PCDHA2: variants seen among roughly 807,000 people sequenced by gnomAD.
PCDHA2 encodes protocadherin alpha 2.
Under a neutral mutation model 66.0 loss-of-function variants are expected in PCDHA2, and 58 were observed. The ratio of observed to expected loss-of-function variants is 0.88; its 90% CI spans 0.71 to 1.09. PCDHA2 has a LOEUF of 1.09. Among genes scored for constraint, PCDHA2 ranks in the 50% least tolerant of loss-of-function variants. The pLI is 0.00. For synonymous variants in PCDHA2, 634 were observed against 554.0 expected (o/e 1.14, Z -2.03); for missense variants, 1,267 against 1,242.3 (o/e 1.02, Z -0.30).
At chr5:140,850,634 C>T (rs2150491694) in intron 1 of PCDHA2, 2 of 1,598,662 alleles carry the variant, frequency 1.3e-6, no homozygotes, top group South Asian at 1.1e-5. Flanking sequence ...TGTTGGTTCT[C>T]ACGCTGCTGC....
intron 1 of PCDHA2, chr5:140,829,375 G>A (rs1770260995): frequency 2.5e-6 from 4 of 1,614,026 alleles, no homozygotes; most frequent in East Asian, 2.2e-5. Flanking sequence ...TAACCGCGCG[G>A]GACGGGGGCT....
chr5:140,926,665 G>C, intron 1 of PCDHA2: 1 of 538,906 alleles, frequency 1.9e-6, no homozygotes, highest in Non-Finnish European at 2.9e-6. Context: ...TTTCCCAGAC[G>C]GCTGCCCAGC....
At chr5:140,945,200 A>G (rs2093757745) in intron 1 of PCDHA2, among the ~76,000 whole-genome samples, 1 of 152,168 alleles carries the variant, frequency 6.6e-6, no homozygotes, top group South Asian at 2.1e-4. Context: ...GCTATTTACA[A>G]TAGCTATGAG....
chr5:140,993,462 TCACACA>T (rs3836747), intron 3 of PCDHA2, among the ~76,000 whole-genome samples: 28,176 of 140,902 alleles, frequency 0.2, 2,920 homozygotes, highest in East Asian at 0.31. Flanking sequence ...TCTTTCTTTC[TCACACA>T]CACACACACA....
intron 1 of PCDHA2, chr5:140,927,923 C>G: frequency 1.2e-6 from 2 of 1,614,232 alleles, no homozygotes; most frequent in Non-Finnish European, 1.7e-6. Context: ...GACTTCCTGA[C>G]TCTTTCGAAC....
At chr5:140,952,058 T>C (rs889374877) in intron 1 of PCDHA2, among the ~76,000 whole-genome samples, 1 of 152,096 alleles carries the variant, frequency 6.6e-6, no homozygotes, top group African/African-American at 2.4e-5. Flanking sequence ...ATCTTAAAGC[T>C]CCAAATAATC....
At chr5:140,929,530 G>A in intron 1 of PCDHA2, 1 of 636,248 alleles carries the variant, frequency 1.6e-6, no homozygotes, top group Non-Finnish European at 2.3e-6. Flanking sequence ...GTTTATTTTT[G>A]AGAAACAAGG....
At chr5:140,870,771 C>G (rs370490786) in intron 1 of PCDHA2, 13 of 1,613,466 alleles carry the variant, frequency 8.1e-6, no homozygotes, top group Non-Finnish European at 1.1e-5. Context: ...TCGTGCTGGA[C>G]GAGAACGACA....
chr5:140,858,271 C>G (rs782492418), intron 1 of PCDHA2: 1 of 1,597,010 alleles, frequency 6.3e-7, no homozygotes, highest in Admixed American at 1.7e-5. Flanking sequence ...TGTGCTCTAG[C>G]GCGGTGGGGA....
chr5:140,978,571 A>G (rs891123704), intron 1 of PCDHA2, among the ~76,000 whole-genome samples: 5 of 152,208 alleles, frequency 3.3e-5, no homozygotes, highest in African/African-American at 1.2e-4. Flanking sequence ...TGTAATACTG[A>G]ATTGGGAATG....
At chr5:140,925,671 A>AATAATAATAATAATAATG (rs1445697337) in intron 1 of PCDHA2, among the ~76,000 whole-genome samples, 3 of 148,150 alleles carry the variant, frequency 2.0e-5, no homozygotes, top group African/African-American at 7.5e-5. Flanking sequence ...TAATAATAAT[A>AATAATAATAATAATAATG]ATAATAAAGC....
rs2098422397 is a variant in PCDHA2 at position 141,011,934 on chromosome 5, T to C, written c.*1997T>C. The C allele has an allele frequency of 6.5e-6, 1 of 153,836 alleles. No homozygotes were observed. The highest frequency in any genetic ancestry group is 6.5e-5 in the Admixed American group (1 of 15,306). The allele number at this position is 153,836 out of a possible 1,614,324, so 9.5% of individuals were successfully genotyped here. On this transcript the variant is annotated 3_prime_UTR_variant, in exon 4 of 4. Transcript: ENST00000526136. ...TAATATAAAAGAGGTAGGAGTCTGT[T>C]ATTTAAAAAAAGCATTAAATTTAAA...
At chr5:140,981,666 C>CT (rs1430989347) in intron 2 of PCDHA2, among the ~76,000 whole-genome samples, 8 of 152,058 alleles carry the variant, frequency 5.3e-5, no homozygotes, top group Non-Finnish European at 1.0e-4. Flanking sequence ...TTCTTCCTTC[C>CT]TTTCTTCCTT....
rs782497691 is a variant in PCDHA2 at position 140,856,769 on chromosome 5, T to C, written c.2388+59417T>C. On this transcript the variant is annotated intron_variant, in intron 1 of 3. Transcript: ENST00000526136. ...AGATGCCAATGATAACGCCCCTATC[T>C]TTGACAGACCGGTTTATGAAGTTAA... is the stretch of plus-strand genomic sequence containing the variant. 1.8e-5 allele frequency: 28 copies of C among 1,596,572 alleles called. 4 individuals carry two copies. The highest frequency in any genetic ancestry group is 2.4e-5 in the Non-Finnish European group (28 of 1,166,742).
intron 3 of PCDHA2, among the ~76,000 whole-genome samples, chr5:140,996,144 T>C (rs2097714056): frequency 6.6e-6 from 1 of 152,210 alleles, no homozygotes; most frequent in African/African-American, 2.4e-5. Context: ...TCCCATTATC[T>C]TGCCTTCCTT....
intron 1 of PCDHA2, chr5:140,823,184 G>A: frequency 6.2e-7 from 1 of 1,613,874 alleles, no homozygotes. Flanking sequence ...AACCCGCCAG[G>A]CTGCCACATC....
chr5:140,882,748 A>G (rs1562779294), intron 1 of PCDHA2: 1 of 1,614,258 alleles, frequency 6.2e-7, no homozygotes, highest in Non-Finnish European at 8.5e-7. Flanking sequence ...CATCCGATGC[A>G]GATATTGGAG....
intron 1 of PCDHA2, among the ~76,000 whole-genome samples, chr5:140,909,911 A>T (rs747486870): frequency 1.3e-5 from 2 of 152,144 alleles, no homozygotes; most frequent in Non-Finnish European, 2.9e-5. Flanking sequence ...AATGGCAATC[A>T]TTTCCCTTTC....
intron 1 of PCDHA2, chr5:140,866,390 T>C (rs2049324113): frequency 6.6e-6 from 1 of 152,134 alleles, no homozygotes; most frequent in Non-Finnish European, 1.5e-5. Flanking sequence ...TTTAAAGACA[T>C]AGATTCCCAT....
Sources: gnomAD v4.1 joint callset for allele counts (sites outside exome capture counted in the v4.1 genomes callset) on GRCh38, gnomAD v4.1.1 for gene constraint, MANE v1.5 for transcripts, NCBI Gene and HGNC (gene_info 2026-07-23, HGNC 2026-07-21) for gene names.